NT5C1A: variants seen among roughly 807,000 people sequenced by gnomAD.
NT5C1A encodes 5'-nucleotidase, cytosolic IA, also known as cytosolic 5'-nucleotidase 1A.
Under a neutral mutation model 31.0 loss-of-function variants are expected in NT5C1A, and 18 were observed. The observed-to-expected ratio is 0.58, with a 90% confidence interval of 0.40 to 0.86. The LOEUF is 0.86. NT5C1A is among the 40% of genes least tolerant of loss of function. The probability of loss-of-function intolerance (pLI) is 0.00; values close to 1 mark genes in which losing one functional copy is unlikely to be tolerated. For synonymous variants in NT5C1A, 185 were observed against 203.6 expected (o/e 0.91, Z 0.78); for missense variants, 470 against 505.4 (o/e 0.93, Z 0.67).
In NT5C1A at chr1:39,665,535, C is replaced by A; in HGVS notation, c.419G>T (p.Ser140Ile). The A allele has an allele frequency of 6.2e-7, 1 of 1,612,954 alleles. No homozygotes were observed. The highest frequency in any genetic ancestry group is 8.5e-7 in the Non-Finnish European group (1 of 1,179,672). The change falls in exon 3 of 6, where the codon AGT becomes ATT. Residue 140 changes from serine (S) to isoleucine (I), a missense_variant. By Grantham distance (142) the Ser-to-Ile change is moderately radical. Coordinates refer to ENST00000235628, the MANE Select transcript of NT5C1A (RefSeq NM_032526.3). ...HAQVGVRLIN[S>I]INHYDLFIER... ...CTCATGCTCACCATAGTGGTTGATA[C>A]TGTTGATGAGGCGGACACCCACTTG...
chr1:39,665,945 G>T, intron 2 of NT5C1A, 124 bp downstream of exon 2: 1 of 898,382 alleles, frequency 1.1e-6, no homozygotes, highest in Non-Finnish European at 1.7e-6. Context: ...TAGCCAAGCT[G>T]TGTACCTGTG....
intron 1 of NT5C1A, 123 bp from the exon 2 acceptor site, chr1:39,666,359 A>G (rs1191346251): frequency 1.1e-6 from 1 of 924,580 alleles, no homozygotes; most frequent in Non-Finnish European, 1.6e-6. Context: ...CTACCTAAAG[A>G]GGCCCAGCCT....
At position 39,660,814 on chromosome 1, in the gene NT5C1A, G is replaced by A. The variant is rs115185317; in HGVS notation, c.741+265C>T. Reference sequence around the variant, plus strand: ...CAGAAATGGGGATTTGAGCTGCAGAGGGGGGATGGGCTTAGAGAGAGGCTT... The same window carrying A: ...CAGAAATGGGGATTTGAGCTGCAGAAGGGGGATGGGCTTAGAGAGAGGCTT... On this transcript the variant is annotated intron_variant, in intron 5 of 5. Coordinates refer to ENST00000235628, the MANE Select transcript of NT5C1A (RefSeq NM_032526.3). Among the ~76,000 whole-genome samples the A allele has an allele frequency of 4.2e-3, 643 of 152,262 alleles. 9 individuals carry two copies. Among genetic ancestry groups the A allele is most frequent in the African/African-American group, 0.014 (592 of 41,562 alleles).
intron 1 of NT5C1A, among the ~76,000 whole-genome samples, chr1:39,670,107 A>G (rs1309632864): frequency 6.6e-6 from 1 of 152,242 alleles, no homozygotes; most frequent in East Asian, 1.9e-4. Context: ...CAAATGCATT[A>G]CATTTATTTA....
chr1:39,659,438 A>G lies in NT5C1A; in HGVS notation c.790T>C (p.Phe264Leu). The change falls in exon 6 of 6, where the codon TTC becomes CTC. Residue 264 changes from phenylalanine (F) to leucine (L), a missense_variant. Physicochemically the swap from Phe to Leu is conservative, Grantham distance 22 (BLOSUM62 0). Coordinates refer to ENST00000235628, the MANE Select transcript of NT5C1A (RefSeq NM_032526.3). Reference protein sequence around the residue: ...LEALGRLQKKFYSKGLRLECP... With the variant: ...LEALGRLQKKLYSKGLRLECP... ...TCCAGCCGCAGGCCTTTGGAGTAGA[A>G]CTTCTTCTGCAACCTACCCAGTGCC... 1 of 1,606,668 alleles carries G rather than the reference A, an allele frequency of 6.2e-7. No individual in the cohort carries two copies. Among genetic ancestry groups the G allele is most frequent in the Non-Finnish European group, 8.5e-7 (1 of 1,175,336 alleles).
rs1227325971 is a variant in NT5C1A, at chr1:39,654,451, T to G, written c.*4670A>C. On this transcript the variant is annotated 3_prime_UTR_variant, in exon 6 of 6. Coordinates refer to ENST00000235628, the MANE Select transcript of NT5C1A (RefSeq NM_032526.3). ...AATGCGCATCCACCTACTAGGCTGATCATTGCCTAAGAGGCCCCATGAGGA... is the reference window on the plus strand; with the variant it reads ...AATGCGCATCCACCTACTAGGCTGAGCATTGCCTAAGAGGCCCCATGAGGA... Among the ~76,000 whole-genome samples, 1 of 152,210 alleles carries G rather than the reference T, an allele frequency of 6.6e-6. No homozygotes were observed. Among genetic ancestry groups the G allele is most frequent in the Non-Finnish European group, 1.5e-5 (1 of 68,034 alleles).
intron 2 of NT5C1A, 82 bp from the exon 3 acceptor site, chr1:39,665,732 G>A (rs1646518160): frequency 7.1e-7 from 1 of 1,403,840 alleles, no homozygotes; most frequent in South Asian, 1.3e-5. Flanking sequence ...AGTGAGGGGA[G>A]GTGAGGAGCC....
intron 5 of NT5C1A, among the ~76,000 whole-genome samples, chr1:39,660,810 C>A (rs1646489211): frequency 6.6e-6 from 1 of 151,792 alleles, no homozygotes. Flanking sequence ...ATTTGAGCTG[C>A]AGAGGGGGGA....
Position 39,651,746 on chromosome 1 carries a change from T to C in NT5C1A, c.*7375A>G, listed in dbSNP as rs1443792994. Among the ~76,000 whole-genome samples the C allele has an allele frequency of 6.6e-6, 1 of 152,062 alleles. No individual in the cohort carries two copies. Among genetic ancestry groups the C allele is most frequent in the South Asian group, 2.1e-4 (1 of 4,822 alleles). On this transcript the variant is annotated 3_prime_UTR_variant, in exon 6 of 6. Coordinates refer to ENST00000235628, the MANE Select transcript of NT5C1A (RefSeq NM_032526.3). ...GCTATTACATTAATAAAGAAGTTCG[T>C]AGGCCGAGTGTGGTGGCTCACGCCT...
chr1:39,667,540 TTGCATTCTTGCCTCTCC>T (rs1264027785), intron 1 of NT5C1A, among the ~76,000 whole-genome samples: 1 of 152,198 alleles, frequency 6.6e-6, no homozygotes, highest in Non-Finnish European at 1.5e-5. Context: ...TAAATGCACC[TTGCATTCTTGCCTCTCC>T]TGATCATCCG....
In NT5C1A at chr1:39,651,519, G is replaced by A. The variant is rs1646431974; in HGVS notation, c.*7602C>T. Among the ~76,000 whole-genome samples the A allele has an allele frequency of 1.3e-5, 2 of 152,214 alleles. No individual in the cohort carries two copies. Among genetic ancestry groups the A allele is most frequent in the African/African-American group, 4.8e-5 (2 of 41,452 alleles). Reference sequence around the variant, plus strand: ...GAAACACATGCTCTAACCATTTACGGAGGCACTTAGGTTTATCATAACAAG... The same window carrying A: ...GAAACACATGCTCTAACCATTTACGAAGGCACTTAGGTTTATCATAACAAG... On this transcript the variant is annotated 3_prime_UTR_variant, in exon 6 of 6. Coordinates refer to ENST00000235628, the MANE Select transcript of NT5C1A (RefSeq NM_032526.3).
At chr1:39,667,462 C>A (rs1383247816) in intron 1 of NT5C1A, among the ~76,000 whole-genome samples, 1 of 152,170 alleles carries the variant, frequency 6.6e-6, no homozygotes, top group Non-Finnish European at 1.5e-5. Context: ...GTGTCCTGAG[C>A]AGTCCTGGGG....
chr1:39,652,030 CAAAAAAAAAAAAAAAAAA>C lies in NT5C1A; in HGVS notation c.*7073_*7090del, dbSNP rs61024293. ...TGAGTGACAGAGCAAGACTCCGTCTCAAAAAAAAAAAAAAAAAAAAAAAAAAAAAAAAAAAAAGAAGTT... is the reference window on the plus strand; with the variant it reads ...TGAGTGACAGAGCAAGACTCCGTCTCAAAAAAAAAAAAAAAAAAAGAAGTT... On this transcript the variant is annotated 3_prime_UTR_variant, in exon 6 of 6. Transcript: ENST00000235628. Among the ~76,000 whole-genome samples, 31 of 37,852 alleles carry C rather than the reference CAAAAAAAAAAAAAAAAAA, an allele frequency of 8.2e-4. No individual in the cohort carries two copies. Among genetic ancestry groups the C allele is most frequent in the South Asian group, 3.3e-3 (2 of 604 alleles). 24.8% of individuals were successfully genotyped at this position (37,852 alleles called of 152,430 possible).
intron 1 of NT5C1A, among the ~76,000 whole-genome samples, chr1:39,666,890 A>G (rs1010057900): frequency 8.5e-5 from 13 of 152,192 alleles, no homozygotes; most frequent in African/African-American, 3.1e-4. Context: ...CTTCCTCATC[A>G]ATCGATTACC....
chr1:39,662,508 G>A (rs1258164273), intron 4 of NT5C1A, among the ~76,000 whole-genome samples: 1 of 152,216 alleles, frequency 6.6e-6, no homozygotes, highest in African/African-American at 2.4e-5. Flanking sequence ...GTTAAAGAAA[G>A]CCTCTAGGAG....
rs774822366 is a variant in NT5C1A at position 39,672,077 on chromosome 1, G to A, written c.-39C>T. 7 of 1,517,112 alleles carry A rather than the reference G, an allele frequency of 4.6e-6. 1 individual carries two copies. In the Admixed American group the frequency reaches 1.0e-4, roughly 23 times the overall value. The allele number at this position is 1,517,112 out of a possible 1,614,324, so 94.0% of individuals were successfully genotyped here. A position where few individuals can be genotyped will look rare whatever the true frequency, so the allele number is the denominator to read the frequency against. Reference sequence around the variant, plus strand: ...CCCGGCCCGGCCAGAGCAGGCGGCGGCGTAGACGCGGAGGTGGCTGGGGCT... The same window carrying A: ...CCCGGCCCGGCCAGAGCAGGCGGCGACGTAGACGCGGAGGTGGCTGGGGCT... On this transcript the variant is annotated 5_prime_UTR_variant, in exon 1 of 6. Transcript: ENST00000235628.
rs1007122255 is a variant in NT5C1A, at chr1:39,658,243, G to A, written c.*878C>T. Among the ~76,000 whole-genome samples, 2 of 152,234 alleles carry A rather than the reference G, an allele frequency of 1.3e-5. No individual in the cohort carries two copies. The highest frequency in any genetic ancestry group is 2.9e-5 in the Non-Finnish European group (2 of 68,040). On this transcript the variant is annotated 3_prime_UTR_variant, in exon 6 of 6. Transcript: ENST00000235628. ...CTGCTGGCTGGAGGAGAGTTTGTAT[G>A]CGTGTCCAATTCACTCCCCTTGCTT...
intron 3 of NT5C1A, among the ~76,000 whole-genome samples, chr1:39,664,247 G>A (rs1408181876): frequency 6.6e-6 from 1 of 150,766 alleles, no homozygotes; most frequent in Non-Finnish European, 1.5e-5. Flanking sequence ...TCCGCCTCCC[G>A]GGTTCACGTC....
chr1:39,664,805 G>T (rs981294109), intron 3 of NT5C1A, among the ~76,000 whole-genome samples: 4 of 151,388 alleles, frequency 2.6e-5, no homozygotes, highest in Admixed American at 2.6e-4. Flanking sequence ...TCTTGAATAC[G>T]GTTTTTATTT....
Sources: allele counts gnomAD v4.1 joint callset (sites outside exome capture counted in the v4.1 genomes callset), GRCh38; gene constraint gnomAD v4.1.1; transcripts MANE v1.5; gene names NCBI Gene and HGNC (gene_info 2026-07-23, HGNC 2026-07-21).